Variants in PYGB observed in about 807,000 individuals in gnomAD.
PYGB encodes glycogen phosphorylase, brain form.
PYGB carries 82 observed loss-of-function variants against 94.3 expected under a neutral mutation model. The observed-to-expected ratio is 0.87, with a 90% CI of 0.73 to 1.04. The LOEUF (loss-of-function observed/expected upper bound fraction) is 1.04. Ranked by LOEUF, PYGB falls within the 50% of genes least tolerant of loss-of-function variation. The pLI is 0.00. For synonymous variants in PYGB, 488 were observed against 479.1 expected (o/e 1.02, Z -0.24); for missense variants, 1,132 against 1,158.2 (o/e 0.98, Z 0.33).
At position 25,248,135 on chromosome 20, in the gene PYGB, C is replaced by G; in HGVS notation, c.-44C>G. The stretch of plus-strand genomic sequence containing the variant: ...ACCATCCCGGCGTTCGCGTGTGCCG[C>G]CGCTTTCCTCCTCCATCTCTTTTCC... On this transcript the variant is annotated 5_prime_UTR_variant, in exon 1 of 20. Coordinates refer to ENST00000216962, the MANE Select transcript of PYGB (RefSeq NM_002862.4). 1.3e-6 allele frequency: 2 copies of G among 1,525,916 alleles called. No individual in the cohort carries two copies. The highest frequency in any genetic ancestry group is 8.8e-7 in the Non-Finnish European group (1 of 1,139,390). The allele number at this position is 1,525,916 out of a possible 1,614,324, so 94.5% of individuals were successfully genotyped here.
At chr20:25,293,135 G>T (rs7352961) in intron 17 of PYGB, among the ~76,000 whole-genome samples, 1 of 133,750 alleles carries the variant, frequency 7.5e-6, no homozygotes, top group African/African-American at 2.7e-5. Flanking sequence ...GTCGGGGGGG[G>T]TGGGGGAGTG....
At chr20:25,262,010 A>G (rs1334172815) in intron 2 of PYGB, among the ~76,000 whole-genome samples, 1 of 152,224 alleles carries the variant, frequency 6.6e-6, no homozygotes, top group Non-Finnish European at 1.5e-5. Flanking sequence ...TGATTGATGT[A>G]TCTGAAAGTG....
At chr20:25,293,934 A>T in intron 17 of PYGB, 1 of 580,998 alleles carries the variant, frequency 1.7e-6, no homozygotes, top group Non-Finnish European at 3.1e-6. Flanking sequence ...TCAAAGGAGC[A>T]GGTGGGATTG....
intron 15 of PYGB, chr20:25,289,995 G>C: frequency 1.9e-6 from 1 of 530,418 alleles, no homozygotes; most frequent in Non-Finnish European, 3.9e-6. Context: ...AAGTTGGTCT[G>C]AGTGAGGGCC....
In PYGB at chr20:25,280,961, CTGTTTCCCGGCGA is replaced by C; in HGVS notation, c.1256_1268del (p.Phe419TrpfsTer9). 1 of 1,613,984 alleles carries C rather than the reference CTGTTTCCCGGCGA, an allele frequency of 6.2e-7. No homozygotes were observed. Among genetic ancestry groups the C allele is most frequent in the Non-Finnish European group, 8.5e-7 (1 of 1,179,912 alleles). Reference sequence around the variant, plus strand: ...GTTTTGGCACCAGCACGTGGCCGCGCTGTTTCCCGGCGATGTGGACCGCCTGCGCAGGATGTCT... The same window carrying C: ...GTTTTGGCACCAGCACGTGGCCGCGCTGTGGACCGCCTGCGCAGGATGTCT... On this transcript the variant is annotated frameshift_variant, in exon 11 of 20. Transcript: ENST00000216962. LOFTEE classifies it high-confidence loss of function.
intron 4 of PYGB, among the ~76,000 whole-genome samples, chr20:25,272,789 A>G (rs1213674504): frequency 1.3e-5 from 2 of 152,164 alleles, no homozygotes; most frequent in Admixed American, 6.5e-5. Flanking sequence ...GTCCATGCAC[A>G]TGTTGATGCT....
chr20:25,280,362 C>G lies in PYGB; in HGVS notation c.1189C>G (p.Leu397Val). The G allele has an allele frequency of 6.2e-7, 1 of 1,614,212 alleles. No individual in the cohort carries two copies. Among genetic ancestry groups the G allele is most frequent in the Non-Finnish European group, 8.5e-7 (1 of 1,180,008 alleles). ...GCCCGTGTCCATGTTTGAGAAGCTGCTGCCGCGGCACCTGGAGATAATCTA... is the reference window on the plus strand; with the variant it reads ...GCCCGTGTCCATGTTTGAGAAGCTGGTGCCGCGGCACCTGGAGATAATCTA... The part of the protein sequence containing the change: ...RWPVSMFEKL[L>V]PRHLEIIYAI... Residue 397 changes from leucine to valine, a missense_variant, in exon 10 of 20, where the codon CTG becomes GTG. Coordinates refer to ENST00000216962, the MANE Select transcript of PYGB (RefSeq NM_002862.4).
At chr20:25,278,962 G>GGGGGGGC in intron 8 of PYGB, 95 bp from the exon 9 acceptor site, 1 of 1,100,266 alleles carries the variant, frequency 9.1e-7, no homozygotes, top group Non-Finnish European at 1.3e-6. Context: ...GGTGGGCTGG[G>GGGGGGGC]CTGGCTCCTT....
chr20:25,288,581 C>G, intron 15 of PYGB, 98 bp downstream of exon 15: 1 of 1,410,940 alleles, frequency 7.1e-7, no homozygotes, highest in African/African-American at 1.4e-5. Context: ...CATCCATACT[C>G]GGGAACCGGA....
intron 17 of PYGB, among the ~76,000 whole-genome samples, chr20:25,293,014 C>T (rs1022051365): frequency 6.6e-6 from 1 of 152,090 alleles, no homozygotes; most frequent in Non-Finnish European, 1.5e-5. Flanking sequence ...CTGCCGGGAG[C>T]ACTCTGCTGA....
intron 15 of PYGB, 72 bp downstream of exon 15, chr20:25,288,555 T>A: frequency 6.6e-7 from 1 of 1,515,450 alleles, no homozygotes; most frequent in Non-Finnish European, 9.1e-7. Flanking sequence ...CCTGCACGCT[T>A]CTCATGGTGC....
rs747870899 is a variant in PYGB at position 25,294,278 on chromosome 20, G to C, written c.2298G>C (p.Leu766=). 1.4e-6 allele frequency: 2 copies of C among 1,380,110 alleles called. No homozygotes were observed. The highest frequency in any genetic ancestry group is 2.3e-5 in the South Asian group (2 of 88,006). The allele number at this position is 1,380,110 out of a possible 1,614,324, so 85.5% of individuals were successfully genotyped here. ...PDCFKDIVNM[L]MHHDRFKVFA... is the part of the protein sequence containing the mutation. The stretch of plus-strand genomic sequence containing the variant: ...GCTTCAAGGACATCGTGAACATGCT[G>C]ATGCACCATGACAGGTGGGACCGAC... The change falls in exon 18 of 20, where the codon CTG becomes CTC. Residue 766 remains leucine (L), a synonymous_variant. Transcript: ENST00000216962.
chr20:25,265,027 T>C (rs1365949689), intron 2 of PYGB, among the ~76,000 whole-genome samples: 1 of 152,166 alleles, frequency 6.6e-6, no homozygotes, highest in Non-Finnish European at 1.5e-5. Flanking sequence ...CTTCAAACTA[T>C]ACTACAAGGC....
chr20:25,272,263 A>G (rs6050512), intron 4 of PYGB, among the ~76,000 whole-genome samples: 9,940 of 152,288 alleles, frequency 0.065, 1,017 homozygotes, highest in African/African-American at 0.22. Flanking sequence ...TAGCATCAGA[A>G]TGTACAACCC....
In PYGB at chr20:25,296,498, G is replaced by A. The variant is rs200465936; in HGVS notation, c.2508G>A (p.Pro836=). Reference sequence around the variant, plus strand: ...TGGAGCCCTCCGACCTGCAGATCCCGCCCCCCAACATCCCCCGGGACTAGG... The same window carrying A: ...TGGAGCCCTCCGACCTGCAGATCCCACCCCCCAACATCCCCCGGGACTAGG... The part of the protein sequence containing the change: ...WGVEPSDLQI[P]PPNIPRD Residue 836 remains proline (P), a synonymous_variant, in exon 20 of 20, where the codon CCG becomes CCA. Transcript: ENST00000216962. 3.3e-5 allele frequency: 53 copies of A among 1,613,376 alleles called. No individual in the cohort carries two copies. The highest frequency in any genetic ancestry group is 3.3e-4 in the Middle Eastern group (2 of 6,080).
Position 25,296,879 on chromosome 20 carries a change from T to TG in PYGB, c.*358dup, listed in dbSNP as rs2088555434. The TG allele has an allele frequency of 4.6e-6, 1 of 215,468 alleles. No individual in the cohort carries two copies. Among genetic ancestry groups the TG allele is most frequent in the South Asian group, 7.6e-5 (1 of 13,166 alleles). 13.3% of individuals were successfully genotyped at this position (215,468 alleles called of 1,614,324 possible). ...ATGTATTAGCCGATGTCTTTAGTGT[T>TG]GAGCCTCTGGATTCTGGGGTCTGGG... On this transcript the variant is annotated 3_prime_UTR_variant, in exon 20 of 20. Transcript: ENST00000216962.
rs898791831 is a variant in PYGB, at chr20:25,297,439, C to G, written c.*917C>G. 6.6e-6 allele frequency: 1 copy of G among 152,498 alleles called. No individual in the cohort carries two copies. Among genetic ancestry groups the G allele is most frequent in the Non-Finnish European group, 1.5e-5 (1 of 68,082 alleles). 9.4% of individuals were successfully genotyped at this position (152,498 alleles called of 1,614,324 possible). ...GCCCTCCCGCTGACTCCTGCTGTGT[C>G]CTGAGGTGCATTTCCTGTTGTACAC... On this transcript the variant is annotated 3_prime_UTR_variant, in exon 20 of 20. Transcript: ENST00000216962.
chr20:25,264,261 T>C (rs2092919654), intron 2 of PYGB, among the ~76,000 whole-genome samples: 1 of 152,212 alleles, frequency 6.6e-6, no homozygotes, highest in African/African-American at 2.4e-5. Context: ...AAACTAGGTA[T>C]TGATGGAACA....
At chr20:25,272,049 A>G (rs1021314010) in intron 4 of PYGB, among the ~76,000 whole-genome samples, 1 of 152,172 alleles carries the variant, frequency 6.6e-6, no homozygotes, top group Non-Finnish European at 1.5e-5. Context: ...CACTACAGCT[A>G]AGTGAGATGG....
Sources: gnomAD v4.1 joint callset for allele counts (sites outside exome capture counted in the v4.1 genomes callset) on GRCh38, gnomAD v4.1.1 for gene constraint, MANE v1.5 for transcripts, NCBI Gene and HGNC (gene_info 2026-07-23, HGNC 2026-07-21) for gene names.